The following SMPDL3A variants were observed in gnomAD, a reference collection of about 807,000 sequenced individuals.
SMPDL3A encodes cyclic GMP-AMP phosphodiesterase SMPDL3A.
Under a neutral mutation model 38.5 loss-of-function variants are expected in SMPDL3A, and 39 were observed. The observed-to-expected ratio is 1.01, with a 90% CI of 0.78 to 1.32. The LOEUF is 1.32. Ranked by LOEUF, SMPDL3A falls within the 40% of genes most tolerant of loss-of-function variation. The pLI is 0.00. For missense variants in SMPDL3A, 502 were observed against 536.2 expected, an observed-to-expected ratio of 0.94 and a Z score of 0.63; for synonymous variants, 180 against 194.3, an observed-to-expected ratio of 0.93 and a Z score of 0.61.
Position 122,806,323 on chromosome 6 carries a change from T to G in SMPDL3A, c.1010T>G (p.Leu337Arg). Residue 337 changes from leucine (L) to arginine (R), a missense_variant, in exon 7 of 8, where the codon CTG (leucine) becomes CGG (arginine). Leu to Arg is a moderately radical substitution (Grantham distance 102). Transcript: ENST00000368440. ...CAGACCAACAATCCTGGTATCAGAC[T>G]GTTTCAGTATGATCCTCGTGATTAT... ...EKQTNNPGIR[L>R]FQYDPRDYKL... The G allele has an allele frequency of 6.2e-7, 1 of 1,612,744 alleles. No individual in the cohort carries two copies. Among genetic ancestry groups the G allele is most frequent in the Non-Finnish European group, 8.5e-7 (1 of 1,179,098 alleles).
rs201192159 is a variant in SMPDL3A at position 122,796,065 on chromosome 6, G to GT, written c.326+184dup. On this transcript the variant is annotated intron_variant, in intron 2 of 7. Coordinates refer to ENST00000368440, the MANE Select transcript of SMPDL3A (RefSeq NM_006714.5). ...TAGAGGTAAGAACAATTTTAGAAGT[G>GT]TTTTTTTTTGGAATACAGATTTCAG... Among the ~76,000 whole-genome samples, 193 of 150,478 alleles carry GT rather than the reference G, an allele frequency of 1.3e-3. 1 individual carries two copies. In the Middle Eastern group the frequency reaches 0.014, roughly 11 times the overall value.
rs1474172233 is a variant in SMPDL3A at position 122,789,324 on chromosome 6, C to T, written c.-23C>T. 6.6e-7 allele frequency: 1 copy of T among 1,520,140 alleles called. No homozygotes were observed. The highest frequency in any genetic ancestry group is 8.9e-7 in the Non-Finnish European group (1 of 1,128,836). The allele number at this position is 1,520,140 out of a possible 1,614,324, so 94.2% of individuals were successfully genotyped here. A position where few individuals can be genotyped will look rare whatever the true frequency, so the allele number is the denominator to read the frequency against. ...TGGAGCTGCGGGACAGCCCGAACCT[C>T]CAGGTCAGCCCCGCGGCCCTCCATG... On this transcript the variant is annotated 5_prime_UTR_variant, in exon 1 of 8. Transcript: ENST00000368440.
In SMPDL3A at chr6:122,795,917, T is replaced by C. The variant is rs374541996; in HGVS notation, c.326+27T>C. On this transcript the variant is annotated intron_variant, in intron 2 of 7. Transcript: ENST00000368440. ...TAAGTGATTATACAAGTACCATTAA[T>C]TACTCAATATTTATTTACAGTGTCC... The C allele has an allele frequency of 3.7e-5, 54 of 1,473,762 alleles. No homozygotes were observed. The African/African-American group carries it at 6.7e-4, about 18-fold the overall frequency. The allele number at this position is 1,473,762 out of a possible 1,614,324, so 91.3% of individuals were successfully genotyped here. A position where few individuals can be genotyped will look rare whatever the true frequency, so the allele number is the denominator to read the frequency against.
chr6:122,791,937 C>T (rs1365530131), intron 1 of SMPDL3A, among the ~76,000 whole-genome samples: 1 of 152,188 alleles, frequency 6.6e-6, no homozygotes, highest in Non-Finnish European at 1.5e-5. Context: ...TCGTGATCTG[C>T]CCATCTCAGC....
chr6:122,804,917 CAT>C lies in SMPDL3A; in HGVS notation c.749_750del (p.Ile250SerfsTer22). 2 of 1,610,206 alleles carry C rather than the reference CAT, an allele frequency of 1.2e-6. No homozygotes were observed. Among genetic ancestry groups the C allele is most frequent in the Non-Finnish European group, 1.7e-6 (2 of 1,178,790 alleles). The part of the protein sequence containing the change: ...SQQNKEKVYI[I>X]AHVPVGYLPS... The stretch of plus-strand genomic sequence containing the variant: ...TGTGTTTCTTTTTCCAGGTGTATAT[CAT>C]AGCACATGTTCCAGTGGGGTATCTG... On this transcript the variant is annotated frameshift_variant, in exon 6 of 8. Coordinates refer to ENST00000368440, the MANE Select transcript of SMPDL3A (RefSeq NM_006714.5). LOFTEE classifies it high-confidence loss of function.
At chr6:122,804,091 G>A (rs1056957108) in intron 5 of SMPDL3A, among the ~76,000 whole-genome samples, 29 of 151,378 alleles carry the variant, frequency 1.9e-4, no homozygotes, top group African/African-American at 5.6e-4. Context: ...AGGCTGAAGC[G>A]ATTCTCCTGC....
At chr6:122,806,119 G>T in intron 6 of SMPDL3A, 114 bp from the exon 7 acceptor site, 1 of 874,302 alleles carries the variant, frequency 1.1e-6, no homozygotes, top group Non-Finnish European at 1.7e-6. Flanking sequence ...ATCCATTAGT[G>T]ATCACATATC....
intron 4 of SMPDL3A, among the ~76,000 whole-genome samples, chr6:122,802,195 C>CT (rs3031702): frequency 1.3e-3 from 159 of 123,538 alleles, no homozygotes; most frequent in African/African-American, 2.8e-3. Context: ...TATATCTAGT[C>CT]TTTTTTTTTT....
In SMPDL3A at chr6:122,789,357, T is replaced by A. The variant is rs1420292666; in HGVS notation, c.11T>A (p.Val4Glu). ...GCCCCGCGGCCCTCCATGGCGCTGGTGCGCGCACTCGTCTGCTGCCTGCTG... is the reference window on the plus strand; with the variant it reads ...GCCCCGCGGCCCTCCATGGCGCTGGAGCGCGCACTCGTCTGCTGCCTGCTG... MAL[V>E]RALVCCLLTA... Residue 4 changes from valine (V) to glutamate (E), a missense_variant, in exon 1 of 8, where the codon GTG becomes GAG. Val to Glu is a moderately radical substitution (Grantham distance 121, BLOSUM62 -2). Coordinates refer to ENST00000368440, the MANE Select transcript of SMPDL3A (RefSeq NM_006714.5). 1.3e-6 allele frequency: 2 copies of A among 1,546,326 alleles called. No individual in the cohort carries two copies. Among genetic ancestry groups the A allele is most frequent in the Non-Finnish European group, 1.7e-6 (2 of 1,145,570 alleles).
At chr6:122,802,857 G>C (rs1781470420) in intron 4 of SMPDL3A, among the ~76,000 whole-genome samples, 1 of 151,890 alleles carries the variant, frequency 6.6e-6, no homozygotes, top group Non-Finnish European at 1.5e-5. Context: ...TGTCATCCCA[G>C]AGGCCCTAGT....
At chr6:122,808,609 C>CCCTTCCTTCCTTCCTTCCTTCCTTCCTT (rs1194682012) in intron 7 of SMPDL3A, among the ~76,000 whole-genome samples, 1 of 44,310 alleles carries the variant, frequency 2.3e-5, no homozygotes, top group African/African-American at 8.8e-5. Flanking sequence ...CTCCCTCCCT[C>CCCTTCCTTCCTTCCTTCCTTCCTTCCTT]CCTTCCTTCC....
chr6:122,804,223 G>T (rs1205648939), intron 5 of SMPDL3A, among the ~76,000 whole-genome samples: 1 of 151,952 alleles, frequency 6.6e-6, no homozygotes, highest in African/African-American at 2.4e-5. Context: ...ACTGACCTAG[G>T]TGATCCACCC....
At chr6:122,802,823 T>G (rs770522603) in intron 4 of SMPDL3A, among the ~76,000 whole-genome samples, 23 of 152,132 alleles carry the variant, frequency 1.5e-4, no homozygotes, top group Non-Finnish European at 2.5e-4. Context: ...GGCAGAGATG[T>G]CTTGCATGAG....
intron 7 of SMPDL3A, among the ~76,000 whole-genome samples, chr6:122,807,493 C>T (rs1301143082): frequency 6.6e-6 from 1 of 152,096 alleles, no homozygotes; most frequent in Non-Finnish European, 1.5e-5. Context: ...AGCGAGACTC[C>T]GTCTCAAAAT....
intron 3 of SMPDL3A, among the ~76,000 whole-genome samples, chr6:122,799,014 T>C (rs1053045552): frequency 5.9e-5 from 9 of 152,236 alleles, no homozygotes; most frequent in African/African-American, 2.2e-4. Context: ...TAGAGGCTGA[T>C]GTCTGAGATC....
intron 7 of SMPDL3A, 66 bp downstream of exon 7, chr6:122,806,423 G>A: frequency 6.7e-7 from 1 of 1,498,590 alleles, no homozygotes; most frequent in Non-Finnish European, 9.1e-7. Flanking sequence ...CATTAATTTA[G>A]TTGAATTTTT....
At chr6:122,796,009 A>G (rs1167985968) in intron 2 of SMPDL3A, 119 bp downstream of exon 2, 3 of 763,962 alleles carry the variant, frequency 3.9e-6, no homozygotes, top group Non-Finnish European at 4.1e-6. Context: ...TTTGAGTTAA[A>G]AAAACACTAG....
chr6:122,804,915 A>G lies in SMPDL3A; in HGVS notation c.745A>G (p.Ile249Val). ...NSQQNKEKVY[I>V]IAHVPVGYLP... Reference sequence around the variant, plus strand: ...TTTGTGTTTCTTTTTCCAGGTGTATATCATAGCACATGTTCCAGTGGGGTA... The same window carrying G: ...TTTGTGTTTCTTTTTCCAGGTGTATGTCATAGCACATGTTCCAGTGGGGTA... The change falls in exon 6 of 8, where the codon ATC becomes GTC. Residue 249 changes from isoleucine to valine, a missense_variant. Transcript: ENST00000368440. 3 of 1,609,498 alleles carry G rather than the reference A, an allele frequency of 1.9e-6. No individual in the cohort carries two copies. Among genetic ancestry groups the G allele is most frequent in the African/African-American group, 1.3e-5 (1 of 74,858 alleles).
chr6:122,796,750 C>T, intron 2 of SMPDL3A, 74 bp from the exon 3 acceptor site: 1 of 1,284,704 alleles, frequency 7.8e-7, no homozygotes, highest in Non-Finnish European at 1.1e-6. Context: ...ATAGGTATAG[C>T]AACGCATCAT....
Sources: allele counts gnomAD v4.1 joint callset (sites outside exome capture counted in the v4.1 genomes callset), GRCh38; gene constraint gnomAD v4.1.1; transcripts MANE v1.5; gene names NCBI Gene and HGNC (gene_info 2026-07-23, HGNC 2026-07-21).